Variants in WNT2 observed in about 807,000 individuals in gnomAD.
The protein encoded by WNT2 is Wnt family member 2, also known as protein Wnt-2.
WNT2 carries 12 observed loss-of-function variants against 36.9 expected under a neutral mutation model. That is an observed-to-expected ratio of 0.33 (90% CI 0.21 to 0.53). WNT2 has a LOEUF of 0.53. Among genes scored for constraint, WNT2 ranks in the 20% least tolerant of loss-of-function variants. The pLI, the probability that WNT2 is intolerant of heterozygous loss-of-function variation, is 0.95. For missense variants in WNT2, 379 were observed against 473.1 expected, an observed-to-expected ratio of 0.80 and a Z score of 1.84; for synonymous variants, 163 against 174.6, an observed-to-expected ratio of 0.93 and a Z score of 0.52.
intron 4 of WNT2, among the ~76,000 whole-genome samples, chr7:117,292,600 C>T (rs1203035373): frequency 3.3e-5 from 5 of 152,168 alleles, no homozygotes; most frequent in Admixed American, 1.3e-4. Context: ...TGCAATTTTT[C>T]GCATCAAAGT....
Position 117,304,636 on chromosome 7 carries a change from A to G in WNT2, c.589-6760T>C, listed in dbSNP as rs150783550. On this transcript the variant is annotated intron_variant, in intron 3 of 4. Coordinates refer to ENST00000265441, the MANE Select transcript of WNT2 (RefSeq NM_003391.3). ...TTTTCAGTAGAGACGGGGTTTCACC[A>G]TGTTGTCCAGGCTGATCTTGAACTC... Among the ~76,000 whole-genome samples, 691 of 152,200 alleles carry G rather than the reference A, an allele frequency of 4.5e-3. 4 individuals are homozygous for G. Among genetic ancestry groups the G allele is most frequent in the African/African-American group, 0.015 (638 of 41,522 alleles).
intron 3 of WNT2, among the ~76,000 whole-genome samples, chr7:117,308,424 A>G (rs1227279611): frequency 6.6e-6 from 1 of 152,244 alleles, no homozygotes; most frequent in Non-Finnish European, 1.5e-5. Context: ...TTCCACTAAC[A>G]ATAGAACTTT....
chr7:117,290,506 A>AT (rs1794669369), intron 4 of WNT2, among the ~76,000 whole-genome samples: 1 of 152,168 alleles, frequency 6.6e-6, no homozygotes, highest in Non-Finnish European at 1.5e-5. Context: ...TCAGTGAAAC[A>AT]TTTTTTTCTA....
intron 2 of WNT2, among the ~76,000 whole-genome samples, chr7:117,319,407 GACATTCAGTTAT>G (rs1177038525): frequency 1.8e-4 from 28 of 152,042 alleles, no homozygotes; most frequent in African/African-American, 6.5e-4. Flanking sequence ...GGATTTTAGA[GACATTCAGTTAT>G]GCATTTGGCC....
chr7:117,292,125 T>C (rs890849936), intron 4 of WNT2, among the ~76,000 whole-genome samples: 2 of 152,140 alleles, frequency 1.3e-5, no homozygotes, highest in Non-Finnish European at 2.9e-5. Context: ...CTTTTGAAAA[T>C]CTGAGGGGCT....
Position 117,315,056 on chromosome 7 carries a change from G to A in WNT2, c.588+15C>T, listed in dbSNP as rs113439269. On this transcript the variant is annotated intron_variant, in intron 3 of 4. Transcript: ENST00000265441. ...CCATGCAGCCTACAAAATGAGCACCGTTGCATTTCCATACCTTCCTGCCAG... is the reference window on the plus strand; with the variant it reads ...CCATGCAGCCTACAAAATGAGCACCATTGCATTTCCATACCTTCCTGCCAG... 1.5e-4 allele frequency: 236 copies of A among 1,612,694 alleles called. No individual in the cohort carries two copies. The African/African-American group carries it at 1.6e-3, about 11-fold the overall frequency.
intron 4 of WNT2, among the ~76,000 whole-genome samples, chr7:117,295,959 G>T (rs138537386): frequency 6.6e-6 from 1 of 152,122 alleles, no homozygotes; most frequent in East Asian, 1.9e-4. Context: ...GCTGTCATAG[G>T]GCTGCTGTAA....
intron 3 of WNT2, among the ~76,000 whole-genome samples, chr7:117,306,811 A>G (rs1337454050): frequency 6.6e-6 from 1 of 152,216 alleles, no homozygotes; most frequent in East Asian, 1.9e-4. Flanking sequence ...ATGCTAAAAA[A>G]GTAGTTTTTT....
At chr7:117,299,836 C>T (rs189645264) in intron 3 of WNT2, among the ~76,000 whole-genome samples, 23 of 152,234 alleles carry the variant, frequency 1.5e-4, no homozygotes, top group Admixed American at 1.2e-3. Flanking sequence ...AGATCATAAA[C>T]TTCAAAACTG....
intron 3 of WNT2, among the ~76,000 whole-genome samples, chr7:117,314,344 C>A (rs915734909): frequency 6.6e-6 from 1 of 152,212 alleles, no homozygotes; most frequent in Non-Finnish European, 1.5e-5. Flanking sequence ...CACCCCTGGA[C>A]TACGTGTTGA....
intron 2 of WNT2, among the ~76,000 whole-genome samples, chr7:117,317,281 G>C (rs956521067): frequency 1.3e-5 from 2 of 152,084 alleles, no homozygotes; most frequent in Non-Finnish European, 2.9e-5. Context: ...AATTCATCCT[G>C]GTATAACTTG....
At position 117,297,850 on chromosome 7, in the gene WNT2, C is replaced by T. The variant is rs149648222; in HGVS notation, c.615G>A (p.Glu205=). The change falls in exon 4 of 5, where the codon GAG becomes GAA. Residue 205 remains glutamate (E), a synonymous_variant. Transcript: ENST00000265441. ...AGCCGCTCACCCCGTGGCACTTGCACTCTTGTTTCAAGAACCGCTTTACAG... is the reference window on the plus strand; with the variant it reads ...AGCCGCTCACCCCGTGGCACTTGCATTCTTGTTTCAAGAACCGCTTTACAG... ...RKAVKRFLKQ[E]CKCHGVSGSC... is the part of the protein sequence containing the mutation. 5 of 1,612,974 alleles carry T rather than the reference C, an allele frequency of 3.1e-6. No individual in the cohort carries two copies. In the African/African-American group the frequency reaches 4.0e-5, roughly 13 times the overall value.
chr7:117,299,174 C>A (rs1794853490), intron 3 of WNT2, among the ~76,000 whole-genome samples: 1 of 152,296 alleles, frequency 6.6e-6, no homozygotes, highest in African/African-American at 2.4e-5. Flanking sequence ...CCACCCCCAT[C>A]TTTATATTAT....
intron 2 of WNT2, among the ~76,000 whole-genome samples, chr7:117,316,548 C>T (rs1461273981): frequency 6.6e-6 from 1 of 152,302 alleles, no homozygotes; most frequent in African/African-American, 2.4e-5. Context: ...GAGCAAACCA[C>T]CTTTTCACAT....
Position 117,295,093 on chromosome 7 carries a change from A to AAAAAG in WNT2, c.853+2514_853+2518dup, listed in dbSNP as rs1164212623. On this transcript the variant is annotated intron_variant, in intron 4 of 4. Transcript: ENST00000265441. ...CCAACAGAGCGAGACTCTGTCTCAAAAAAAGAAAAGAGAAGAGAAGAGAGA... is the reference window on the plus strand; with the variant it reads ...CCAACAGAGCGAGACTCTGTCTCAAAAAAAGAAAAGAAAAGAGAAGAGAAGAGAGA... Among the ~76,000 whole-genome samples the AAAAAG allele has an allele frequency of 1.3e-3, 196 of 152,212 alleles. 1 individual carries two copies. Among genetic ancestry groups the AAAAAG allele is most frequent in the African/African-American group, 4.4e-3 (184 of 41,546 alleles).
intron 3 of WNT2, among the ~76,000 whole-genome samples, chr7:117,303,596 G>A (rs1224230939): frequency 6.6e-6 from 1 of 152,202 alleles, no homozygotes; most frequent in African/African-American, 2.4e-5. Context: ...CGCTGATGGA[G>A]GGACTGGAGA....
chr7:117,294,593 TAAAAAAAAA>T (rs5886850), intron 4 of WNT2, among the ~76,000 whole-genome samples: 1 of 128,426 alleles, frequency 7.8e-6, no homozygotes, highest in African/African-American at 2.9e-5. Flanking sequence ...AACTGGCAAC[TAAAAAAAAA>T]AAAAAAAAAG....
intron 3 of WNT2, among the ~76,000 whole-genome samples, chr7:117,314,405 T>A (rs1413448003): frequency 2.0e-5 from 3 of 152,228 alleles, no homozygotes; most frequent in Non-Finnish European, 4.4e-5. Flanking sequence ...CTTGAGTACC[T>A]TGAGGGCTTC....
chr7:117,297,598 T>G lies in WNT2; in HGVS notation c.853+14A>C. The G allele has an allele frequency of 6.3e-7, 1 of 1,597,664 alleles. No homozygotes were observed. The highest frequency in any genetic ancestry group is 1.1e-5 in the South Asian group (1 of 90,622). On this transcript the variant is annotated intron_variant, in intron 4 of 4. Coordinates refer to ENST00000265441, the MANE Select transcript of WNT2 (RefSeq NM_003391.3). ...AAAGAATTAGGTACTATAAAGAAAG[T>G]CTTTTGAACTTACCTGCCTCTCGGT... is the stretch of plus-strand genomic sequence containing the variant.
Sources: gnomAD v4.1 joint callset for allele counts (sites outside exome capture counted in the v4.1 genomes callset) on GRCh38, gnomAD v4.1.1 for gene constraint, MANE v1.5 for transcripts, NCBI Gene and HGNC (gene_info 2026-07-23, HGNC 2026-07-21) for gene names.